The following LRMDA variants were observed in gnomAD, a reference collection of about 807,000 sequenced individuals.
The protein encoded by LRMDA is leucine rich melanocyte differentiation associated.
Under a neutral mutation model 29.8 loss-of-function variants are expected in LRMDA, and 18 were observed. That is an observed-to-expected ratio of 0.60 (90% CI 0.42 to 0.90). The LOEUF (loss-of-function observed/expected upper bound fraction) is 0.90. Among genes scored for constraint, LRMDA ranks in the 40% least tolerant of loss-of-function variants. The probability of loss-of-function intolerance (pLI) is 0.00; values close to 1 mark genes in which losing one functional copy is unlikely to be tolerated. For synonymous variants in LRMDA, 125 were observed against 109.4 expected (o/e 1.14, Z -0.89); for missense variants, 273 against 273.9 (o/e 1.00, Z 0.02).
At position 75,488,082 on chromosome 10, in the gene LRMDA, T is replaced by C. The variant is rs918964135; in HGVS notation, c.131+49588T>C. Among the ~76,000 whole-genome samples the C allele has an allele frequency of 2.6e-5, 4 of 152,292 alleles. No individual in the cohort carries two copies. In the South Asian group the frequency reaches 8.3e-4, roughly 32 times the overall value. On this transcript the variant is annotated intron_variant, in intron 2 of 6. Coordinates refer to ENST00000611255, the MANE Select transcript of LRMDA (RefSeq NM_001305581.2). ...GCTATTGAGGGAGAAACCTGACTTATGGCATAAAATGGGGTACTGAATTTG... is the reference window on the plus strand; with the variant it reads ...GCTATTGAGGGAGAAACCTGACTTACGGCATAAAATGGGGTACTGAATTTG...
At chr10:75,870,509 G>T (rs558515827) in intron 2 of LRMDA, among the ~76,000 whole-genome samples, 2 of 152,256 alleles carry the variant, frequency 1.3e-5, no homozygotes, top group African/African-American at 2.4e-5. Flanking sequence ...TTTGTTGTCC[G>T]GATTCTGGAA....
intron 5 of LRMDA, among the ~76,000 whole-genome samples, chr10:76,137,443 T>C (rs1207035506): frequency 6.6e-6 from 1 of 152,174 alleles, no homozygotes; most frequent in Non-Finnish European, 1.5e-5. Context: ...CCATTGTCTG[T>C]GCAGGCTAGA....
chr10:75,662,187 A>G (rs540632506), intron 2 of LRMDA, among the ~76,000 whole-genome samples: 4 of 152,250 alleles, frequency 2.6e-5, no homozygotes, highest in African/African-American at 9.6e-5. Context: ...TGCAAACTGC[A>G]AAGTGTAAAG....
At chr10:76,115,488 A>C (rs888686877) in intron 5 of LRMDA, among the ~76,000 whole-genome samples, 1 of 152,206 alleles carries the variant, frequency 6.6e-6, no homozygotes, top group East Asian at 1.9e-4. Context: ...CAGTTGGCAA[A>C]GCAAAAGGAA....
In LRMDA at chr10:76,543,276, G is replaced by T. The variant is rs75721734; in HGVS notation, c.602-13933G>T. 8.4e-3 allele frequency among the ~76,000 whole-genome samples: 1,272 copies of T among 151,724 alleles called. 8 individuals carry two copies. The highest frequency in any genetic ancestry group is 0.014 in the Non-Finnish European group (956 of 67,924). On this transcript the variant is annotated intron_variant, in intron 6 of 6. Coordinates refer to ENST00000611255, the MANE Select transcript of LRMDA (RefSeq NM_001305581.2). Reference sequence around the variant, plus strand: ...ATTAGGTAAAACCCTGCATGAGATTGCCCCCATGATTGGAGAATTTAGTTG... The same window carrying T: ...ATTAGGTAAAACCCTGCATGAGATTTCCCCCATGATTGGAGAATTTAGTTG...
intron 2 of LRMDA, among the ~76,000 whole-genome samples, chr10:75,587,231 G>A (rs903187135): frequency 1.3e-5 from 2 of 152,148 alleles, no homozygotes; most frequent in African/African-American, 2.4e-5. Context: ...AACTTGGTAT[G>A]CATTTAGGCT....
intron 5 of LRMDA, among the ~76,000 whole-genome samples, chr10:76,200,472 C>T (rs532433200): frequency 1.3e-5 from 2 of 152,152 alleles, no homozygotes; most frequent in East Asian, 3.9e-4. Flanking sequence ...AATTCTGATG[C>T]CATTCATCGA....
intron 5 of LRMDA, among the ~76,000 whole-genome samples, chr10:76,138,777 T>G (rs1357346766): frequency 2.6e-5 from 4 of 152,214 alleles, no homozygotes; most frequent in African/African-American, 9.6e-5. Context: ...TACTTTAATC[T>G]TAAGAATTTA....
At chr10:76,384,943 C>G (rs183738514) in intron 6 of LRMDA, among the ~76,000 whole-genome samples, 1 of 152,160 alleles carries the variant, frequency 6.6e-6, no homozygotes, top group African/African-American at 2.4e-5. Flanking sequence ...CAGTTCCAGA[C>G]GGCATGCTGA....
At chr10:75,519,761 A>G (rs1040044358) in intron 2 of LRMDA, among the ~76,000 whole-genome samples, 6 of 152,090 alleles carry the variant, frequency 3.9e-5, no homozygotes, top group Admixed American at 1.3e-4. Context: ...AATTGATGCA[A>G]TTTCTTCATA....
intron 5 of LRMDA, among the ~76,000 whole-genome samples, chr10:76,200,808 C>G (rs1468286667): frequency 6.6e-5 from 10 of 150,926 alleles, no homozygotes; most frequent in East Asian, 2.0e-4. Flanking sequence ...GCGCCTGCCT[C>G]CCAGGTTCAA....
intron 2 of LRMDA, among the ~76,000 whole-genome samples, chr10:75,833,918 T>G (rs945906587): frequency 6.6e-6 from 1 of 152,122 alleles, no homozygotes; most frequent in Admixed American, 6.5e-5. Context: ...GCAAACTTCT[T>G]TAGGTTTCAG....
chr10:75,856,325 C>T (rs988458241), intron 2 of LRMDA, among the ~76,000 whole-genome samples: 2 of 152,114 alleles, frequency 1.3e-5, no homozygotes, highest in African/African-American at 4.8e-5. Flanking sequence ...TTCTTTGAAG[C>T]AATTGTGAAT....
At chr10:76,089,110 G>T (rs1849187874) in intron 5 of LRMDA, among the ~76,000 whole-genome samples, 1 of 152,192 alleles carries the variant, frequency 6.6e-6, no homozygotes, top group Admixed American at 6.5e-5. Flanking sequence ...TAGTTGTAAT[G>T]AATAGAGTGC....
chr10:76,107,705 C>T (rs1289208712), intron 5 of LRMDA, among the ~76,000 whole-genome samples: 2 of 152,212 alleles, frequency 1.3e-5, no homozygotes, highest in Non-Finnish European at 2.9e-5. Flanking sequence ...CCTCAACATA[C>T]CTGTGTGGCT....
At chr10:75,556,078 A>G (rs907786489) in intron 2 of LRMDA, among the ~76,000 whole-genome samples, 1 of 152,176 alleles carries the variant, frequency 6.6e-6, no homozygotes, top group African/African-American at 2.4e-5. Flanking sequence ...ACATGTTGTC[A>G]TAGGATGGGG....
intron 5 of LRMDA, among the ~76,000 whole-genome samples, chr10:76,136,309 GA>G (rs1850093651): frequency 6.6e-6 from 1 of 152,210 alleles, no homozygotes; most frequent in Admixed American, 6.5e-5. Flanking sequence ...GCACTTTAGA[GA>G]GAAGAATTCC....
chr10:75,651,582 G>A (rs550836182), intron 2 of LRMDA, among the ~76,000 whole-genome samples: 21 of 152,252 alleles, frequency 1.4e-4, no homozygotes, highest in African/African-American at 3.9e-4. Flanking sequence ...TGGCTTAGGC[G>A]TACTAGGAGG....
intron 5 of LRMDA, among the ~76,000 whole-genome samples, chr10:76,191,578 G>A (rs1851247603): frequency 6.6e-6 from 1 of 152,158 alleles, no homozygotes; most frequent in Non-Finnish European, 1.5e-5. Flanking sequence ...CTGGTGAGTT[G>A]GAGAGTGGAT....
Sources: allele counts gnomAD v4.1 joint callset (sites outside exome capture counted in the v4.1 genomes callset), GRCh38; gene constraint gnomAD v4.1.1; transcripts MANE v1.5; gene names NCBI Gene and HGNC (gene_info 2026-07-23, HGNC 2026-07-21).